Variants in ACOXL observed in about 807,000 individuals in gnomAD.
ACOXL encodes acyl-coenzyme A oxidase-like protein.
Under a neutral mutation model 71.9 loss-of-function variants are expected in ACOXL, and 70 were observed. That is an observed-to-expected ratio of 0.97 (90% CI 0.80 to 1.19). The LOEUF is 1.19. ACOXL is among the 50% of genes most tolerant of loss of function. The pLI is 0.00. For missense variants in ACOXL, 703 were observed against 736.3 expected (o/e 0.95, Z 0.52); for synonymous variants, 253 against 281.6 (o/e 0.90, Z 1.02).
intron 9 of ACOXL, among the ~76,000 whole-genome samples, chr2:110,809,825 C>T (rs533238580): frequency 6.6e-6 from 1 of 152,316 alleles, no homozygotes; most frequent in East Asian, 1.9e-4. Context: ...AGTGTGGGCC[C>T]TTCTCACCGC....
chr2:111,013,522 C>CAAAAAA (rs56905916), intron 14 of ACOXL, among the ~76,000 whole-genome samples: 74 of 95,368 alleles, frequency 7.8e-4, no homozygotes, highest in Admixed American at 1.0e-3. Flanking sequence ...GACCCTGTCT[C>CAAAAAA]AAAAAAAAAA....
At chr2:111,038,893 A>G (rs1431897834) in intron 15 of ACOXL, among the ~76,000 whole-genome samples, 1 of 152,226 alleles carries the variant, frequency 6.6e-6, no homozygotes, top group East Asian at 1.9e-4. Flanking sequence ...AAAATGAACT[A>G]TAGAAAAAAA....
chr2:110,807,789 C>T (rs537157731), intron 9 of ACOXL, among the ~76,000 whole-genome samples: 4 of 152,270 alleles, frequency 2.6e-5, no homozygotes, highest in South Asian at 2.1e-4. Flanking sequence ...TATGTTTTCC[C>T]GGCTGAAACC....
chr2:111,082,170 G>T (rs536573569), intron 16 of ACOXL, among the ~76,000 whole-genome samples: 14 of 152,192 alleles, frequency 9.2e-5, no homozygotes, highest in African/African-American at 3.1e-4. Flanking sequence ...ATTGACAAAT[G>T]GGATCCAATT....
intron 9 of ACOXL, among the ~76,000 whole-genome samples, chr2:110,822,353 C>T (rs961113295): frequency 6.6e-6 from 1 of 152,148 alleles, no homozygotes; most frequent in African/African-American, 2.4e-5. Context: ...GTAGCCTACT[C>T]CAACAGTGAG....
At chr2:111,028,726 G>A (rs890844516) in intron 14 of ACOXL, among the ~76,000 whole-genome samples, 3 of 152,144 alleles carry the variant, frequency 2.0e-5, no homozygotes, top group Non-Finnish European at 4.4e-5. Flanking sequence ...ATGGATATGG[G>A]GAAACTTCTT....
chr2:110,848,780 T>G (rs1310952613), intron 10 of ACOXL, among the ~76,000 whole-genome samples: 1 of 152,198 alleles, frequency 6.6e-6, no homozygotes, highest in African/African-American at 2.4e-5. Context: ...CACAGTGGTC[T>G]CCGGGGAGCC....
chr2:110,856,017 G>A (rs1390002778), intron 10 of ACOXL, among the ~76,000 whole-genome samples: 2 of 152,064 alleles, frequency 1.3e-5, no homozygotes, highest in Non-Finnish European at 2.9e-5. Context: ...CCCTGTGATT[G>A]GCTACTTTTA....
intron 10 of ACOXL, among the ~76,000 whole-genome samples, chr2:110,875,223 A>T (rs897799106): frequency 1.3e-5 from 2 of 152,184 alleles, no homozygotes; most frequent in South Asian, 4.1e-4. Context: ...TGTAAATCTC[A>T]TAAGTGGAAA....
chr2:110,831,746 G>A (rs1399523007), intron 9 of ACOXL, among the ~76,000 whole-genome samples: 1 of 152,176 alleles, frequency 6.6e-6, no homozygotes, highest in Non-Finnish European at 1.5e-5. Context: ...GATCAATGGA[G>A]CAGATTAGGC....
At chr2:111,000,050 A>G (rs2063552241) in intron 14 of ACOXL, among the ~76,000 whole-genome samples, 1 of 152,136 alleles carries the variant, frequency 6.6e-6, no homozygotes, top group African/African-American at 2.4e-5. Flanking sequence ...ACAAAAGCCT[A>G]AATGGGAGTG....
intron 16 of ACOXL, among the ~76,000 whole-genome samples, chr2:111,077,844 T>C (rs1466748454): frequency 2.6e-5 from 4 of 152,210 alleles, no homozygotes; most frequent in Non-Finnish European, 5.9e-5. Flanking sequence ...AGAATTTTTC[T>C]TTGTTTTTAG....
chr2:110,988,163 C>T (rs2063015501), intron 13 of ACOXL, among the ~76,000 whole-genome samples: 1 of 152,192 alleles, frequency 6.6e-6, no homozygotes, highest in Admixed American at 6.5e-5. Context: ...TTCAGCCAGA[C>T]ATGGTGGCTC....
intron 3 of ACOXL, among the ~76,000 whole-genome samples, chr2:110,791,558 T>C (rs1684651260): frequency 6.6e-6 from 1 of 152,226 alleles, no homozygotes; most frequent in African/African-American, 2.4e-5. Context: ...GAATTAGTAA[T>C]GCAATTTGCA....
At chr2:110,779,442 A>T (rs1683062027) in intron 2 of ACOXL, among the ~76,000 whole-genome samples, 1 of 152,228 alleles carries the variant, frequency 6.6e-6, no homozygotes, top group Non-Finnish European at 1.5e-5. Flanking sequence ...TTAGTTTAAA[A>T]ATGTTGTAGT....
rs543886711 is a variant in ACOXL, at chr2:111,023,207, T to A, written c.1282-8420T>A. Among the ~76,000 whole-genome samples the A allele has an allele frequency of 2.6e-5, 4 of 152,226 alleles. No individual in the cohort carries two copies. The South Asian group carries it at 8.3e-4, about 32-fold the overall frequency. ...TGGACTCTTTCCTGATGATGCCACC[T>A]CTGTGCACAGGGAGATGAGAGGGGA... On this transcript the variant is annotated intron_variant, in intron 14 of 17. Transcript: ENST00000439055.
At chr2:110,794,212 T>C (rs772193504) in intron 5 of ACOXL, 38 bp downstream of exon 5, 3 of 1,577,518 alleles carry the variant, frequency 1.9e-6, no homozygotes, top group Non-Finnish European at 2.6e-6. Flanking sequence ...GCAGGGGAGC[T>C]GGAAACCTGG....
At chr2:110,860,469 C>T (rs897685239) in intron 10 of ACOXL, among the ~76,000 whole-genome samples, 10 of 152,094 alleles carry the variant, frequency 6.6e-5, no homozygotes, top group African/African-American at 1.2e-4. Context: ...AAGGCTCCAC[C>T]GCAGCTGCAG....
rs758422438 is a variant in ACOXL, at chr2:110,964,755, A to G, written c.1060-22353A>G. Among the ~76,000 whole-genome samples the G allele has an allele frequency of 6.5e-4, 99 of 152,376 alleles. 1 individual carries two copies. Among genetic ancestry groups the G allele is most frequent in the African/African-American group, 2.3e-3 (94 of 41,590 alleles). On this transcript the variant is annotated intron_variant, in intron 12 of 17. Transcript: ENST00000439055. ...ATGTTTTGTTACATGCCTTGAGTGT[A>G]TAATGATCAAGCCAGAGTTTTTAGG...
Sources: allele counts gnomAD v4.1 joint callset (sites outside exome capture counted in the v4.1 genomes callset), GRCh38; gene constraint gnomAD v4.1.1; transcripts MANE v1.5; gene names NCBI Gene and HGNC (gene_info 2026-07-23, HGNC 2026-07-21).